Variants in PRKG1 observed in about 807,000 individuals in gnomAD.
PRKG1 encodes protein kinase cGMP-dependent 1.
Under a neutral mutation model 88.1 loss-of-function variants are expected in PRKG1, and 35 were observed. That is an observed-to-expected ratio of 0.40 (90% CI 0.30 to 0.53). PRKG1 has a LOEUF of 0.53. PRKG1 is among the 20% of genes least tolerant of loss of function. The probability of loss-of-function intolerance (pLI) is 0.59; values close to 1 mark genes in which losing one functional copy is unlikely to be tolerated. For synonymous variants in PRKG1, 303 were observed against 292.5 expected (o/e 1.04, Z -0.37); for missense variants, 540 against 839.8 (o/e 0.64, Z 4.41).
chr10:51,930,507 T>C (rs1297260466), intron 5 of PRKG1, among the ~76,000 whole-genome samples: 1 of 145,008 alleles, frequency 6.9e-6, no homozygotes, highest in Non-Finnish European at 1.5e-5. Flanking sequence ...TTTTTTTTTT[T>C]TTTTTTTTTG....
chr10:51,572,362 G>A (rs527780256), intron 3 of PRKG1, among the ~76,000 whole-genome samples: 138 of 151,840 alleles, frequency 9.1e-4, no homozygotes, highest in African/African-American at 3.3e-3. Flanking sequence ...AAACTAAGTG[G>A]CTTTTGATAT....
intron 3 of PRKG1, among the ~76,000 whole-genome samples, chr10:51,769,688 G>A (rs1255246167): frequency 6.6e-6 from 1 of 152,234 alleles, no homozygotes; most frequent in South Asian, 2.1e-4. Context: ...AATATGGCAA[G>A]CTGGCTTACT....
intron 4 of PRKG1, among the ~76,000 whole-genome samples, chr10:51,864,185 T>C (rs1451756670): frequency 3.3e-5 from 5 of 152,168 alleles, no homozygotes; most frequent in Non-Finnish European, 7.4e-5. Context: ...TACTAACTGG[T>C]TGAGTTGGCA....
chr10:51,550,851 T>C (rs1032704646), intron 3 of PRKG1, among the ~76,000 whole-genome samples: 1 of 151,924 alleles, frequency 6.6e-6, no homozygotes, highest in African/African-American at 2.4e-5. Context: ...TAATCTGACA[T>C]TGGTTCAATG....
chr10:52,262,277 G>T (rs1408577049), intron 10 of PRKG1, among the ~76,000 whole-genome samples: 7 of 151,520 alleles, frequency 4.6e-5, no homozygotes, highest in African/African-American at 1.7e-4. Context: ...TTGTTTGTTT[G>T]TTCTTTGTTT....
chr10:51,395,463 G>C (rs1437677120), intron 2 of PRKG1, among the ~76,000 whole-genome samples: 1 of 152,186 alleles, frequency 6.6e-6, no homozygotes, highest in Non-Finnish European at 1.5e-5. Context: ...CTGGTTCAGA[G>C]AATCAAACCC....
intron 3 of PRKG1, among the ~76,000 whole-genome samples, chr10:51,630,612 G>A (rs1241719526): frequency 6.6e-6 from 1 of 152,076 alleles, no homozygotes; most frequent in East Asian, 1.9e-4. Context: ...AAGCATTATT[G>A]CCTTATTGTC....
At chr10:51,556,495 A>C (rs1481727641) in intron 3 of PRKG1, among the ~76,000 whole-genome samples, 6 of 151,988 alleles carry the variant, frequency 3.9e-5, no homozygotes, top group Admixed American at 3.9e-4. Context: ...GGTGCTCATC[A>C]ATGGTGGACT....
chr10:51,887,027 C>T (rs1263323260), intron 4 of PRKG1, among the ~76,000 whole-genome samples: 3 of 152,152 alleles, frequency 2.0e-5, no homozygotes, highest in African/African-American at 7.2e-5. Context: ...CACTCAGTCA[C>T]CCAGGTCGGA....
intron 2 of PRKG1, among the ~76,000 whole-genome samples, chr10:51,414,800 C>T (rs1838193980): frequency 6.6e-6 from 1 of 152,168 alleles, no homozygotes; most frequent in African/African-American, 2.4e-5. Flanking sequence ...TCTACACTCA[C>T]ACCACATAAT....
At chr10:51,297,340 T>C (rs182038785) in intron 2 of PRKG1, among the ~76,000 whole-genome samples, 1 of 152,218 alleles carries the variant, frequency 6.6e-6, no homozygotes, top group East Asian at 1.9e-4. Flanking sequence ...AGTAGAGTCA[T>C]AGAAAAACTT....
intron 3 of PRKG1, among the ~76,000 whole-genome samples, chr10:51,792,969 T>C (rs1838906832): frequency 6.6e-6 from 1 of 151,984 alleles, no homozygotes; most frequent in Admixed American, 6.6e-5. Context: ...ATATTTCTTC[T>C]AATGTCCAGA....
At chr10:51,106,662 G>T in intron 1 of PRKG1, among the ~76,000 whole-genome samples, 1 of 152,286 alleles carries the variant, frequency 6.6e-6, no homozygotes, top group Non-Finnish European at 1.5e-5. Context: ...TCCCCAGATT[G>T]AAGGCCTTTT....
chr10:51,956,095 G>A (rs1428587286), intron 5 of PRKG1, among the ~76,000 whole-genome samples: 1 of 152,080 alleles, frequency 6.6e-6, no homozygotes, highest in Non-Finnish European at 1.5e-5. Context: ...ACATCTTGAA[G>A]GATATGATTT....
intron 2 of PRKG1, among the ~76,000 whole-genome samples, chr10:51,307,743 A>G (rs115139449): frequency 1.5e-3 from 233 of 152,226 alleles, no homozygotes; most frequent in African/African-American, 5.3e-3. Context: ...AATATATTCT[A>G]TATTATTTAT....
intron 3 of PRKG1, among the ~76,000 whole-genome samples, chr10:51,561,733 AT>A (rs1837467243): frequency 1.3e-5 from 2 of 152,148 alleles, no homozygotes; most frequent in Non-Finnish European, 2.9e-5. Context: ...AGCATAAAGT[AT>A]GTAATACCAC....
At chr10:51,174,746 T>A (rs1837145252) in intron 2 of PRKG1, among the ~76,000 whole-genome samples, 1 of 152,022 alleles carries the variant, frequency 6.6e-6, no homozygotes, top group African/African-American at 2.4e-5. Flanking sequence ...CACACTTTAT[T>A]TATGATCCAT....
intron 3 of PRKG1, among the ~76,000 whole-genome samples, chr10:51,496,627 G>A (rs1326309064): frequency 6.6e-6 from 1 of 152,124 alleles, no homozygotes; most frequent in African/African-American, 2.4e-5. Context: ...CTGAGTCATT[G>A]TTGATCAGAA....
At chr10:52,225,682 T>C (rs1473375824) in intron 9 of PRKG1, among the ~76,000 whole-genome samples, 1 of 152,260 alleles carries the variant, frequency 6.6e-6, no homozygotes, top group Non-Finnish European at 1.5e-5. Flanking sequence ...GAGATGAGGA[T>C]CTAGTTTCAT....
Sources: gnomAD v4.1 joint callset for allele counts (sites outside exome capture counted in the v4.1 genomes callset) on GRCh38, gnomAD v4.1.1 for gene constraint, MANE v1.5 for transcripts, NCBI Gene and HGNC (gene_info 2026-07-23, HGNC 2026-07-21) for gene names.